Variants in ALK observed in about 807,000 individuals in gnomAD.
ALK encodes the protein ALK receptor tyrosine kinase, also known as ALK tyrosine kinase receptor.
ALK carries 74 observed loss-of-function variants against 163.1 expected under a neutral mutation model. The ratio of observed to expected loss-of-function variants is 0.45; its 90% CI spans 0.38 to 0.55. The LOEUF is 0.55. ALK is among the 20% of genes least tolerant of loss of function. ALK has a pLI of 0.00. For synonymous variants in ALK, 960 were observed against 843.2 expected, an observed-to-expected ratio of 1.14 and a Z score of -2.40; for missense variants, 2,063 against 2,105.3, an observed-to-expected ratio of 0.98 and a Z score of 0.39.
chr2:29,403,533 CT>C (rs1669499844), intron 4 of ALK, among the ~76,000 whole-genome samples: 1 of 151,914 alleles, frequency 6.6e-6, no homozygotes, highest in Admixed American at 6.6e-5. Context: ...TCTTCAACAA[CT>C]GTTTAGAATG....
intron 8 of ALK, among the ~76,000 whole-genome samples, chr2:29,313,918 A>G (rs939861404): frequency 3.9e-5 from 6 of 152,076 alleles, no homozygotes; most frequent in African/African-American, 1.2e-4. Flanking sequence ...AGATTTTGTC[A>G]CTGAGTTTAA....
intron 3 of ALK, among the ~76,000 whole-genome samples, chr2:29,549,532 C>T (rs953138639): frequency 2.0e-5 from 3 of 152,052 alleles, no homozygotes; most frequent in Admixed American, 1.3e-4. Context: ...ATGTGGCTGA[C>T]GTGACTGAAG....
intron 3 of ALK, among the ~76,000 whole-genome samples, chr2:29,600,549 T>G (rs1675354113): frequency 6.6e-6 from 1 of 152,102 alleles, no homozygotes; most frequent in African/African-American, 2.4e-5. Flanking sequence ...AAGAAGCAAA[T>G]GAGAGAAACA....
At chr2:29,668,340 G>T (rs904563518) in intron 3 of ALK, among the ~76,000 whole-genome samples, 5 of 151,378 alleles carry the variant, frequency 3.3e-5, no homozygotes, top group African/African-American at 1.2e-4. Flanking sequence ...TTTCCTTGGG[G>T]TTCATTAGTC....
chr2:29,760,641 G>A (rs1680674278), intron 1 of ALK, among the ~76,000 whole-genome samples: 1 of 152,190 alleles, frequency 6.6e-6, no homozygotes, highest in East Asian at 1.9e-4. Flanking sequence ...GTGAGTACCA[G>A]GAAATTCACA....
chr2:29,272,185 G>GGAGAGAGAGAGAGAGA (rs57649688), intron 11 of ALK, among the ~76,000 whole-genome samples: 7 of 145,136 alleles, frequency 4.8e-5, no homozygotes, highest in South Asian at 2.2e-4. Flanking sequence ...GTCGGGTGAG[G>GGAGAGAGAGAGAGAGA]GAGAGAGAGA....
intron 3 of ALK, among the ~76,000 whole-genome samples, chr2:29,615,316 T>C (rs181682645): frequency 5.1e-4 from 77 of 150,692 alleles, no homozygotes; most frequent in Admixed American, 2.4e-3. Context: ...AACCCCTCTT[T>C]CTTCTGTTCT....
At chr2:29,371,439 G>A (rs1668634741) in intron 5 of ALK, among the ~76,000 whole-genome samples, 1 of 152,184 alleles carries the variant, frequency 6.6e-6, no homozygotes, top group South Asian at 2.1e-4. Context: ...CTGGTGTGAG[G>A]AGCTCTGTCC....
At chr2:29,698,928 C>A (rs1414973936) in intron 2 of ALK, among the ~76,000 whole-genome samples, 1 of 152,230 alleles carries the variant, frequency 6.6e-6, no homozygotes, top group Non-Finnish European at 1.5e-5. Flanking sequence ...TCTTACAAAA[C>A]ATGGAGACAC....
intron 5 of ALK, among the ~76,000 whole-genome samples, chr2:29,354,364 A>G (rs1001934668): frequency 6.6e-6 from 1 of 152,186 alleles, no homozygotes; most frequent in Non-Finnish European, 1.5e-5. Flanking sequence ...CAAAAGCCAG[A>G]TCTGGGCCCA....
chr2:29,450,543 A>G (rs1670795593), intron 4 of ALK, among the ~76,000 whole-genome samples: 1 of 152,214 alleles, frequency 6.6e-6, no homozygotes. Flanking sequence ...GACAGAGGGT[A>G]GATAGATTAA....
intron 1 of ALK, among the ~76,000 whole-genome samples, chr2:29,906,705 T>C (rs1667556354): frequency 6.6e-6 from 1 of 152,180 alleles, no homozygotes; most frequent in African/African-American, 2.4e-5. Flanking sequence ...TCAGTTTCTT[T>C]ATTTGCAAAA....
intron 3 of ALK, among the ~76,000 whole-genome samples, chr2:29,646,441 T>C (rs1366834457): frequency 6.6e-6 from 1 of 152,182 alleles, no homozygotes; most frequent in African/African-American, 2.4e-5. Flanking sequence ...AGGGGTCCTT[T>C]TAAAACTTGC....
In ALK at chr2:29,456,899, T is replaced by G. The variant is rs147003348; in HGVS notation, c.1155-73040A>C. Reference sequence around the variant, plus strand: ...TATACAATTTATACAGAGTGTGCCCTTGCCTTCTCAGTTAGGGGAGAATAA... The same window carrying G: ...TATACAATTTATACAGAGTGTGCCCGTGCCTTCTCAGTTAGGGGAGAATAA... On this transcript the variant is annotated intron_variant, in intron 4 of 28. Transcript: ENST00000389048. Among the ~76,000 whole-genome samples the G allele has an allele frequency of 2.4e-3, 373 of 152,276 alleles. 3 individuals are homozygous for G. The highest frequency in any genetic ancestry group is 8.5e-3 in the African/African-American group (355 of 41,562).
At chr2:29,555,531 T>C (rs535931836) in intron 3 of ALK, among the ~76,000 whole-genome samples, 17 of 152,322 alleles carry the variant, frequency 1.1e-4, no homozygotes, top group African/African-American at 3.4e-4. Context: ...AAGTGGAAAT[T>C]GATGTCTGTT....
chr2:29,750,573 A>AGATTGCTTGAGGTCAGGTT (rs1392649157), intron 1 of ALK, among the ~76,000 whole-genome samples: 3 of 145,654 alleles, frequency 2.1e-5, no homozygotes, highest in East Asian at 2.1e-4. Context: ...TGAAGTGGGA[A>AGATTGCTTGAGGTCAGGTT]GATTGCTTGA....
chr2:29,916,541 GCT>G (rs1158772977), intron 1 of ALK, among the ~76,000 whole-genome samples: 1 of 152,084 alleles, frequency 6.6e-6, no homozygotes, highest in African/African-American at 2.4e-5. Context: ...ATCCTCCTTT[GCT>G]CTCTCTGCCC....
chr2:29,492,848 A>T (rs7563365), intron 4 of ALK, among the ~76,000 whole-genome samples: 55,523 of 152,046 alleles, frequency 0.37, 10,543 homozygotes, highest in East Asian at 0.68. Context: ...AATATTGGCA[A>T]AGATCCTTGA....
intron 1 of ALK, among the ~76,000 whole-genome samples, chr2:29,878,767 G>A (rs1351485656): frequency 2.0e-5 from 3 of 152,186 alleles, no homozygotes; most frequent in Non-Finnish European, 4.4e-5. Flanking sequence ...AGACACAGCA[G>A]AGAGCTGGGT....
Sources: gnomAD v4.1 joint callset for allele counts (sites outside exome capture counted in the v4.1 genomes callset) on GRCh38, gnomAD v4.1.1 for gene constraint, MANE v1.5 for transcripts, NCBI Gene and HGNC (gene_info 2026-07-23, HGNC 2026-07-21) for gene names.